OXR1: variants seen among roughly 807,000 people sequenced by gnomAD.
OXR1 encodes the protein oxidation resistance protein 1.
A neutral mutation model predicts 104.6 loss-of-function variants in OXR1; 41 were observed. The ratio of observed to expected loss-of-function variants is 0.39; its 90% CI spans 0.31 to 0.51. The LOEUF (loss-of-function observed/expected upper bound fraction) is 0.51, where lower values mean the gene tolerates loss of function less well. OXR1 is among the 20% of genes least tolerant of loss of function. The pLI is 0.77. For missense variants in OXR1, 955 were observed against 1,031.9 expected, an observed-to-expected ratio of 0.93 and a Z score of 1.02; for synonymous variants, 348 against 348.4, an observed-to-expected ratio of 1.00 and a Z score of 0.01.
intron 2 of OXR1, among the ~76,000 whole-genome samples, chr8:106,480,137 T>A (rs979921678): frequency 1.8e-4 from 27 of 152,120 alleles, no homozygotes; most frequent in African/African-American, 6.5e-4. Flanking sequence ...TTTTCATTAA[T>A]CCTCAAGCTA....
At chr8:106,657,996 C>A (rs1825309527) in intron 3 of OXR1, 1 of 1,248,382 alleles carries the variant, frequency 8.0e-7, no homozygotes, top group East Asian at 3.2e-5. Context: ...CATGGACTAC[C>A]TGACGACGTT....
intron 3 of OXR1, among the ~76,000 whole-genome samples, chr8:106,637,703 C>A (rs562509265): frequency 2.1e-4 from 32 of 151,468 alleles, no homozygotes; most frequent in African/African-American, 5.8e-4. Context: ...AAATTAGCTC[C>A]TATCAAATCA....
chr8:106,276,527 A>G (rs1198142474), intron 1 of OXR1, among the ~76,000 whole-genome samples: 6 of 152,166 alleles, frequency 3.9e-5, no homozygotes, highest in Admixed American at 3.3e-4. Flanking sequence ...TTATTTCTTC[A>G]TCTTTAAAAT....
intron 2 of OXR1, among the ~76,000 whole-genome samples, chr8:106,470,045 A>C (rs563479747): frequency 1.3e-5 from 2 of 151,768 alleles, no homozygotes; most frequent in Non-Finnish European, 2.9e-5. Flanking sequence ...AGCAGCAAAG[A>C]AGCCAGAGTG....
At chr8:106,439,262 T>C (rs1046797636) in intron 2 of OXR1, among the ~76,000 whole-genome samples, 6 of 151,568 alleles carry the variant, frequency 4.0e-5, no homozygotes, top group African/African-American at 1.5e-4. Context: ...TTATAAGGAG[T>C]TGAAGAGACC....
At chr8:106,735,054 T>A (rs546862439) in intron 11 of OXR1, among the ~76,000 whole-genome samples, 156 of 152,190 alleles carry the variant, frequency 1.0e-3, no homozygotes, top group Non-Finnish European at 9.1e-4. Context: ...ATTGTATACA[T>A]GGAGTATGGT....
At chr8:106,657,857 T>C in intron 3 of OXR1, 6 of 1,240,644 alleles carry the variant, frequency 4.8e-6, no homozygotes, top group Non-Finnish European at 6.1e-6. Context: ...CCTCCCCGCC[T>C]CTTGTGAGGC....
intron 3 of OXR1, among the ~76,000 whole-genome samples, chr8:106,624,009 T>C (rs895351962): frequency 2.0e-5 from 3 of 152,160 alleles, no homozygotes; most frequent in African/African-American, 7.2e-5. Context: ...ACAGCACACA[T>C]ACACACACAC....
At chr8:106,555,310 G>A (rs775326725) in intron 3 of OXR1, among the ~76,000 whole-genome samples, 2 of 152,088 alleles carry the variant, frequency 1.3e-5, no homozygotes, top group Non-Finnish European at 1.5e-5. Flanking sequence ...ATTGTGGAAT[G>A]GTCCAGGATC....
chr8:106,656,204 A>G (rs1385155335), intron 3 of OXR1: 1 of 152,256 alleles, frequency 6.6e-6, no homozygotes, highest in Non-Finnish European at 1.5e-5. Flanking sequence ...AGCTCGTTCC[A>G]GATGCTATAA....
At chr8:106,458,449 C>T (rs1332635457) in intron 2 of OXR1, among the ~76,000 whole-genome samples, 3 of 152,112 alleles carry the variant, frequency 2.0e-5, no homozygotes, top group African/African-American at 7.2e-5. Context: ...AAGTTTGGCT[C>T]CCTCCACCAA....
chr8:106,279,891 G>T (rs1035233000), intron 1 of OXR1, among the ~76,000 whole-genome samples: 12 of 152,318 alleles, frequency 7.9e-5, no homozygotes, highest in African/African-American at 2.9e-4. Flanking sequence ...ATTCTGAAGA[G>T]CAGGACCTTG....
intron 15 of OXR1, among the ~76,000 whole-genome samples, chr8:106,745,362 T>C (rs1306116145): frequency 6.6e-6 from 1 of 152,198 alleles, no homozygotes; most frequent in Non-Finnish European, 1.5e-5. Context: ...TAAATATATA[T>C]GCAAAGAAAA....
chr8:106,293,881 G>C, intron 1 of OXR1, among the ~76,000 whole-genome samples: 1 of 151,774 alleles, frequency 6.6e-6, no homozygotes, highest in Admixed American at 6.6e-5. Flanking sequence ...TTTTGTATTG[G>C]GGATAAAGCT....
chr8:106,741,148 A>G (rs1834885877), intron 14 of OXR1, among the ~76,000 whole-genome samples: 1 of 152,178 alleles, frequency 6.6e-6, no homozygotes, highest in African/African-American at 2.4e-5. Context: ...AAGCTCATCA[A>G]CTTGCCCAAG....
intron 3 of OXR1, among the ~76,000 whole-genome samples, chr8:106,592,002 G>A (rs1819132046): frequency 6.6e-6 from 1 of 152,142 alleles, no homozygotes; most frequent in Admixed American, 6.5e-5. Context: ...TTCTTCACGT[G>A]TACTCAAAAT....
intron 3 of OXR1, among the ~76,000 whole-genome samples, chr8:106,623,581 GA>G (rs1157769581): frequency 2.6e-5 from 4 of 152,116 alleles, no homozygotes; most frequent in Admixed American, 6.6e-5. Flanking sequence ...TGTGACAGCT[GA>G]AAGTGGGGCC....
intron 2 of OXR1, among the ~76,000 whole-genome samples, chr8:106,491,175 G>T (rs1018539983): frequency 1.3e-5 from 2 of 152,158 alleles, no homozygotes; most frequent in African/African-American, 4.8e-5. Flanking sequence ...CCTCCTTTCT[G>T]GGAGGAGTTA....
chr8:106,533,378 T>C (rs1814233526), intron 3 of OXR1, among the ~76,000 whole-genome samples: 1 of 152,212 alleles, frequency 6.6e-6, no homozygotes, highest in Non-Finnish European at 1.5e-5. Context: ...GGATGGGACC[T>C]TGACATCCTG....
Sources: allele counts gnomAD v4.1 joint callset (sites outside exome capture counted in the v4.1 genomes callset), GRCh38; gene constraint gnomAD v4.1.1; transcripts MANE v1.5; gene names NCBI Gene and HGNC (gene_info 2026-07-23, HGNC 2026-07-21).